TLL1: variants seen among roughly 807,000 people sequenced by gnomAD.
The protein encoded by TLL1 is tolloid like 1.
A neutral mutation model predicts 128.2 loss-of-function variants in TLL1; 49 were observed. That is an observed-to-expected ratio of 0.38 (90% CI 0.30 to 0.48). The LOEUF is 0.48. Ranked by LOEUF, TLL1 falls within the 20% of genes least tolerant of loss-of-function variation. The probability of loss-of-function intolerance (pLI) is 0.96; values close to 1 mark genes in which losing one functional copy is unlikely to be tolerated. For missense variants in TLL1, 1,123 were observed against 1,242.0 expected (o/e 0.90, Z 1.44); for synonymous variants, 454 against 418.8 (o/e 1.08, Z -1.03).
chr4:165,892,949 C>T (rs1279513224), intron 1 of TLL1, among the ~76,000 whole-genome samples: 2 of 152,126 alleles, frequency 1.3e-5, no homozygotes, highest in East Asian at 1.9e-4. Context: ...TCCCTCAATG[C>T]CATTTTTTGA....
At chr4:166,007,739 T>G (rs977275996) in intron 6 of TLL1, among the ~76,000 whole-genome samples, 1 of 151,666 alleles carries the variant, frequency 6.6e-6, no homozygotes, top group Non-Finnish European at 1.5e-5. Flanking sequence ...AAATTAACAC[T>G]TTGTTCCAAT....
chr4:165,906,898 C>T, intron 1 of TLL1, among the ~76,000 whole-genome samples: 1 of 143,948 alleles, frequency 6.9e-6, no homozygotes. Context: ...AGAATCATTT[C>T]CAAATTTTTA....
At chr4:166,088,298 T>A (rs1741613886) in intron 18 of TLL1, among the ~76,000 whole-genome samples, 1 of 152,132 alleles carries the variant, frequency 6.6e-6, no homozygotes, top group Non-Finnish European at 1.5e-5. Flanking sequence ...GTTCAGCTTG[T>A]GTTGTAGAAT....
intron 9 of TLL1, among the ~76,000 whole-genome samples, chr4:166,028,422 G>A (rs1370491677): frequency 6.6e-6 from 1 of 151,924 alleles, no homozygotes; most frequent in Non-Finnish European, 1.5e-5. Context: ...CTTTGCAATA[G>A]CTTCAGGCTG....
At chr4:166,074,290 T>G (rs1159452119) in intron 16 of TLL1, among the ~76,000 whole-genome samples, 6 of 151,512 alleles carry the variant, frequency 4.0e-5, no homozygotes, top group African/African-American at 1.5e-4. Context: ...TATGCCTTTT[T>G]TCTGCTTGGA....
intron 10 of TLL1, among the ~76,000 whole-genome samples, chr4:166,041,165 C>T (rs578023108): frequency 6.6e-6 from 1 of 152,070 alleles, no homozygotes; most frequent in Non-Finnish European, 1.5e-5. Flanking sequence ...CAGATTATAG[C>T]TTTATAGATG....
At chr4:165,884,206 C>T (rs951920553) in intron 1 of TLL1, among the ~76,000 whole-genome samples, 3 of 152,168 alleles carry the variant, frequency 2.0e-5, no homozygotes, top group Non-Finnish European at 4.4e-5. Context: ...GATGATTGCT[C>T]ATGTGTAAAT....
Position 165,893,548 on chromosome 4 carries a change from T to C in TLL1, c.169+19475T>C, listed in dbSNP as rs1341898242. 2.6e-5 allele frequency among the ~76,000 whole-genome samples: 4 copies of C among 152,128 alleles called. No homozygotes were observed. The South Asian group carries it at 8.3e-4, about 32-fold the overall frequency. ...GCATAGAGAAAGAACTCTGGAGACA[T>C]GCAGAGAATCCCTACCTTGTATTCA... is the stretch of plus-strand genomic sequence containing the variant. On this transcript the variant is annotated intron_variant, in intron 1 of 20. Transcript: ENST00000061240.
intron 1 of TLL1, among the ~76,000 whole-genome samples, chr4:165,934,012 T>C (rs894719341): frequency 1.3e-5 from 2 of 152,070 alleles, no homozygotes. Context: ...TCTTTCTTTT[T>C]TTTGAGATGG....
At chr4:166,019,773 A>G (rs1469747647) in intron 8 of TLL1, among the ~76,000 whole-genome samples, 1 of 152,126 alleles carries the variant, frequency 6.6e-6, no homozygotes, top group Non-Finnish European at 1.5e-5. Context: ...ATACATTTTA[A>G]TTTTCCTTAA....
intron 17 of TLL1, 28 bp from the exon 18 acceptor site, chr4:166,077,875 C>T (rs900053270): frequency 6.2e-7 from 1 of 1,612,642 alleles, no homozygotes; most frequent in Non-Finnish European, 8.5e-7. Flanking sequence ...GATTGCCACA[C>T]TGTCTGATAT....
At chr4:165,983,241 G>A (rs1042940894) in intron 1 of TLL1, among the ~76,000 whole-genome samples, 4 of 151,802 alleles carry the variant, frequency 2.6e-5, no homozygotes, top group Admixed American at 6.6e-5. Context: ...AATCCTATCC[G>A]CAGACATTGT....
intron 9 of TLL1, among the ~76,000 whole-genome samples, chr4:166,036,747 A>G (rs1739018842): frequency 1.3e-5 from 2 of 151,938 alleles, no homozygotes; most frequent in African/African-American, 4.8e-5. Context: ...AAGATTAAAA[A>G]CAAGTTAGAA....
intron 16 of TLL1, among the ~76,000 whole-genome samples, chr4:166,066,180 T>G (rs887112556): frequency 6.6e-6 from 1 of 151,522 alleles, no homozygotes; most frequent in South Asian, 2.1e-4. Flanking sequence ...TTTTCTTATT[T>G]TAATATATTT....
chr4:165,935,947 A>G (rs2110914423), intron 1 of TLL1, among the ~76,000 whole-genome samples: 1 of 152,108 alleles, frequency 6.6e-6, no homozygotes, highest in East Asian at 1.9e-4. Context: ...ACAGAGATGT[A>G]ATCAGAGTTG....
In TLL1 at chr4:166,078,039, G is replaced by A. The variant is rs369942034; in HGVS notation, c.2442+9G>A. On this transcript the variant is annotated intron_variant, in intron 18 of 20. Transcript: ENST00000061240. Reference sequence around the variant, plus strand: ...GCCACCGAATCAAATTAGTAAGTGAGCACATCCTTTTTCTTTCCATTAAGC... The same window carrying A: ...GCCACCGAATCAAATTAGTAAGTGAACACATCCTTTTTCTTTCCATTAAGC... The A allele has an allele frequency of 7.7e-5, 125 of 1,613,124 alleles. No individual in the cohort carries two copies. The highest frequency in any genetic ancestry group is 1.0e-4 in the Non-Finnish European group (119 of 1,179,474).
chr4:166,080,970 G>A (rs1290119237), intron 18 of TLL1, among the ~76,000 whole-genome samples: 1 of 152,030 alleles, frequency 6.6e-6, no homozygotes, highest in South Asian at 2.1e-4. Context: ...GTGAAGGCGA[G>A]GGGTTCTTTA....
intron 1 of TLL1, among the ~76,000 whole-genome samples, chr4:165,885,813 T>A (rs187637193): frequency 3.9e-4 from 60 of 152,276 alleles, no homozygotes; most frequent in Non-Finnish European, 7.2e-4. Context: ...GAAGAAGAAC[T>A]ATAGGCAACA....
At chr4:165,899,987 CTT>C (rs1272377328) in intron 1 of TLL1, among the ~76,000 whole-genome samples, 7 of 150,032 alleles carry the variant, frequency 4.7e-5, no homozygotes, top group Non-Finnish European at 8.9e-5. Context: ...TTCTTTGTCT[CTT>C]TTGATCTTTG....
Sources: gnomAD v4.1 joint callset for allele counts (sites outside exome capture counted in the v4.1 genomes callset) on GRCh38, gnomAD v4.1.1 for gene constraint, MANE v1.5 for transcripts, NCBI Gene and HGNC (gene_info 2026-07-23, HGNC 2026-07-21) for gene names.